Variants in METAP1 observed in about 807,000 individuals in gnomAD.
METAP1 encodes methionine aminopeptidase 1.
METAP1 carries 28 observed loss-of-function variants against 53.8 expected under a neutral mutation model. The observed-to-expected ratio is 0.52, with a 90% CI of 0.39 to 0.71. The LOEUF (loss-of-function observed/expected upper bound fraction) is 0.71. Ranked by LOEUF, METAP1 falls within the 30% of genes least tolerant of loss-of-function variation. The pLI, the probability that METAP1 is intolerant of heterozygous loss-of-function variation, is 0.00. For synonymous variants in METAP1, 181 were observed against 165.7 expected (o/e 1.09, Z -0.71); for missense variants, 389 against 479.8 (o/e 0.81, Z 1.77).
intron 7 of METAP1, among the ~76,000 whole-genome samples, chr4:99,044,022 T>TC (rs1726051258): frequency 6.6e-6 from 1 of 152,170 alleles, no homozygotes. Context: ...AGTCTTGACT[T>TC]CCCTGGCTCA....
At chr4:99,060,837 A>C (rs189789452) in intron 10 of METAP1, among the ~76,000 whole-genome samples, 2 of 152,316 alleles carry the variant, frequency 1.3e-5, no homozygotes, top group East Asian at 3.9e-4. Context: ...ATAATGATAC[A>C]TATAATTAAT....
At position 99,048,754 on chromosome 4, in the gene METAP1, G is replaced by C; in HGVS notation, c.809G>C (p.Arg270Thr). Residue 270 changes from arginine to threonine, a missense_variant, in exon 9 of 11, where the codon AGA (arginine) becomes ACA (threonine). By Grantham distance (71) the Arg-to-Thr change is moderately conservative. Coordinates refer to ENST00000296411, the MANE Select transcript of METAP1 (RefSeq NM_015143.3). ...TCAGTGAAGCCTGGTGTTCGGTACA[G>C]AGAATTGGGAAACATTATCCAGAAG... ...IDAVKPGVRY[R>T]ELGNIIQKHA... The C allele has an allele frequency of 6.2e-7, 1 of 1,613,980 alleles. No homozygotes were observed. Among genetic ancestry groups the C allele is most frequent in the African/African-American group, 1.3e-5 (1 of 75,054 alleles).
chr4:99,031,585 A>G (rs1725034039), intron 2 of METAP1: 4 of 1,287,108 alleles, frequency 3.1e-6, no homozygotes, highest in Middle Eastern at 2.1e-4. Flanking sequence ...CTCACCTCCA[A>G]GATGCTGGAA....
chr4:99,043,249 G>T lies in METAP1; in HGVS notation c.517G>T (p.Ala173Ser). Residue 173 changes from alanine (A) to serine (S), a missense_variant and splice_region_variant, in exon 7 of 11, where the codon GCA becomes TCA. Coordinates refer to ENST00000296411, the MANE Select transcript of METAP1 (RefSeq NM_015143.3). ...CCAAATTATTTTTTCTGTATTATAG[G>T]CATGTATTGCAAGAAATTGCTACCC... ...TEEIDHAVHL[A>S]CIARNCYPSP... The T allele has an allele frequency of 6.4e-7, 1 of 1,569,388 alleles. No homozygotes were observed. Among genetic ancestry groups the T allele is most frequent in the Non-Finnish European group, 8.7e-7 (1 of 1,148,538 alleles).
At chr4:99,035,076 A>G (rs546770940) in intron 3 of METAP1, among the ~76,000 whole-genome samples, 1 of 152,288 alleles carries the variant, frequency 6.6e-6, no homozygotes, top group East Asian at 1.9e-4. Context: ...GACTAGGAAC[A>G]TGTTGGTATA....
chr4:99,043,941 T>C (rs1286389162), intron 7 of METAP1, among the ~76,000 whole-genome samples: 1 of 152,138 alleles, frequency 6.6e-6, no homozygotes, highest in Non-Finnish European at 1.5e-5. Context: ...TTGTGTATTA[T>C]TTTATTTTTT....
intron 1 of METAP1, among the ~76,000 whole-genome samples, chr4:98,998,087 C>T (rs1722723911): frequency 6.6e-6 from 1 of 152,250 alleles, no homozygotes; most frequent in South Asian, 2.1e-4. Context: ...GAGCCTCTTG[C>T]TCTAGCCAAA....
intron 1 of METAP1, among the ~76,000 whole-genome samples, chr4:99,017,116 GA>G (rs1057450851): frequency 2.0e-5 from 3 of 152,214 alleles, no homozygotes; most frequent in Admixed American, 6.5e-5. Context: ...ACTTTCAAAT[GA>G]AAAGTCATGC....
intron 9 of METAP1, among the ~76,000 whole-genome samples, chr4:99,056,689 G>A (rs1352992621): frequency 2.0e-5 from 3 of 151,042 alleles, no homozygotes; most frequent in Non-Finnish European, 2.9e-5. Flanking sequence ...TCCTGCCTCA[G>A]CCTCCCGGTA....
intron 1 of METAP1, chr4:99,026,424 G>A (rs1178259033): frequency 1.5e-5 from 15 of 985,424 alleles, no homozygotes; most frequent in African/African-American, 1.7e-5. Context: ...TTTAGAGAAA[G>A]TAGCATTTGA....
At chr4:99,034,887 A>AATATT (rs1725319069) in intron 3 of METAP1, among the ~76,000 whole-genome samples, 1 of 152,116 alleles carries the variant, frequency 6.6e-6, no homozygotes. Flanking sequence ...GGCAGATAGG[A>AATATT]CTTGGAGTCT....
intron 1 of METAP1, chr4:99,026,224 C>A: frequency 1.0e-6 from 1 of 985,082 alleles, no homozygotes; most frequent in South Asian, 4.7e-5. Flanking sequence ...TAGTAAATTC[C>A]TGTTGGTGCT....
intron 5 of METAP1, 93 bp downstream of exon 5, chr4:99,039,558 G>T (rs1010347235): frequency 3.4e-5 from 23 of 672,050 alleles, no homozygotes; most frequent in Non-Finnish European, 4.8e-5. Flanking sequence ...GATAGCAAAT[G>T]TTATATTGTT....
Position 99,012,219 on chromosome 4 carries a change from C to T in METAP1, c.114+16352C>T, listed in dbSNP as rs1052977775. Among the ~76,000 whole-genome samples the T allele has an allele frequency of 2.6e-4, 36 of 139,566 alleles. No individual in the cohort carries two copies. In the South Asian group the frequency reaches 3.0e-3, roughly 12 times the overall value. 91.6% of individuals were successfully genotyped at this position (139,566 alleles called of 152,430 possible). A position where few individuals can be genotyped will look rare whatever the true frequency, so the allele number is the denominator to read the frequency against. On this transcript the variant is annotated intron_variant, in intron 1 of 10. Transcript: ENST00000296411. Reference sequence around the variant, plus strand: ...TCCTTCTGTTAGCCTTAGGTTTTATCTTTTCTTCTTTTTCTAGTTCTTGAG... The same window carrying T: ...TCCTTCTGTTAGCCTTAGGTTTTATTTTTTCTTCTTTTTCTAGTTCTTGAG...
At chr4:99,038,299 A>G (rs545780813) in intron 4 of METAP1, among the ~76,000 whole-genome samples, 1 of 152,066 alleles carries the variant, frequency 6.6e-6, no homozygotes, top group South Asian at 2.1e-4. Flanking sequence ...TGCATCTGCT[A>G]GTATTGCCAG....
intron 2 of METAP1, among the ~76,000 whole-genome samples, chr4:99,030,994 C>T (rs1015271111): frequency 3.3e-5 from 5 of 151,544 alleles, no homozygotes; most frequent in African/African-American, 9.7e-5. Flanking sequence ...TGATAGAATT[C>T]ACCACTGAAA....
At chr4:99,014,574 A>C (rs1723645934) in intron 1 of METAP1, among the ~76,000 whole-genome samples, 1 of 152,200 alleles carries the variant, frequency 6.6e-6, no homozygotes, top group South Asian at 2.1e-4. Flanking sequence ...CCTTAAATTC[A>C]TCAGGAACCC....
intron 8 of METAP1, among the ~76,000 whole-genome samples, 179 bp downstream of exon 8, chr4:99,045,489 T>C (rs1726155642): frequency 6.6e-6 from 1 of 152,216 alleles, no homozygotes; most frequent in Admixed American, 6.5e-5. Context: ...TTGGTGGTGA[T>C]AGACCAGATG....
chr4:99,024,558 A>G (rs1338097237), intron 1 of METAP1, among the ~76,000 whole-genome samples: 3 of 152,184 alleles, frequency 2.0e-5, no homozygotes, highest in African/African-American at 7.2e-5. Flanking sequence ...ACAAGACCAC[A>G]TGAGCCAGTT....
Sources: gnomAD v4.1 joint callset for allele counts (sites outside exome capture counted in the v4.1 genomes callset) on GRCh38, gnomAD v4.1.1 for gene constraint, MANE v1.5 for transcripts, NCBI Gene and HGNC (gene_info 2026-07-23, HGNC 2026-07-21) for gene names.